Variants in AMBRA1 observed in about 807,000 individuals in gnomAD.
AMBRA1 encodes the protein autophagy and beclin 1 regulator 1.
Under a neutral mutation model 125.4 loss-of-function variants are expected in AMBRA1, and 47 were observed. That is an observed-to-expected ratio of 0.37 (90% CI 0.30 to 0.48). AMBRA1 has a LOEUF of 0.48. Among genes scored for constraint, AMBRA1 ranks in the 20% least tolerant of loss-of-function variants. The pLI is 0.99. For missense variants in AMBRA1, 1,331 were observed against 1,693.4 expected (o/e 0.79, Z 3.76); for synonymous variants, 626 against 655.5 (o/e 0.95, Z 0.69).
intron 1 of AMBRA1, among the ~76,000 whole-genome samples, chr11:46,581,342 C>G (rs2044161458): frequency 6.6e-6 from 1 of 152,004 alleles, no homozygotes; most frequent in Non-Finnish European, 1.5e-5. Context: ...GGCGCAGTGG[C>G]TCACACCTGT....
chr11:46,551,324 T>A (rs2042989670), intron 1 of AMBRA1, among the ~76,000 whole-genome samples: 1 of 152,094 alleles, frequency 6.6e-6, no homozygotes, highest in Non-Finnish European at 1.5e-5. Flanking sequence ...TATTTTTATT[T>A]TTTAAAGAAA....
chr11:46,405,161 A>G (rs933408140), intron 17 of AMBRA1, among the ~76,000 whole-genome samples: 2 of 152,052 alleles, frequency 1.3e-5, no homozygotes, highest in African/African-American at 4.8e-5. Context: ...CCACCACCCT[A>G]CTTCACCTGA....
At chr11:46,585,812 T>A (rs2044377378) in intron 1 of AMBRA1, among the ~76,000 whole-genome samples, 1 of 145,404 alleles carries the variant, frequency 6.9e-6, no homozygotes, top group Non-Finnish European at 1.5e-5. Flanking sequence ...CAATAATTTT[T>A]TTTTTCTTTT....
intron 8 of AMBRA1, among the ~76,000 whole-genome samples, chr11:46,508,951 T>C (rs1023055300): frequency 6.6e-6 from 1 of 152,212 alleles, no homozygotes; most frequent in African/African-American, 2.4e-5. Flanking sequence ...GAACCTCTTT[T>C]TCTCTCCCTT....
intron 13 of AMBRA1, 108 bp downstream of exon 13, chr11:46,434,740 AG>A: frequency 8.8e-7 from 1 of 1,137,514 alleles, no homozygotes; most frequent in Non-Finnish European, 1.2e-6. Flanking sequence ...CAGTGAAGGT[AG>A]GGGCAGTATG....
intron 11 of AMBRA1, among the ~76,000 whole-genome samples, chr11:46,464,018 C>T (rs1173938992): frequency 6.6e-6 from 1 of 152,116 alleles, no homozygotes; most frequent in Non-Finnish European, 1.5e-5. Context: ...CTAGGAAATG[C>T]CTAGTAGTCA....
At chr11:46,408,747 G>T (rs761831837) in intron 16 of AMBRA1, 41 bp from the exon 17 acceptor site, 2 of 1,481,642 alleles carry the variant, frequency 1.3e-6, no homozygotes, top group Admixed American at 4.5e-5. Flanking sequence ...TGGGGCTTGG[G>T]ACAGCACCCC....
intron 11 of AMBRA1, among the ~76,000 whole-genome samples, chr11:46,453,302 A>G (rs1948705750): frequency 6.6e-6 from 1 of 151,488 alleles, no homozygotes; most frequent in South Asian, 2.1e-4. Flanking sequence ...GTCTCATTCT[A>G]TCACCCAGGC....
intron 11 of AMBRA1, among the ~76,000 whole-genome samples, chr11:46,468,814 CAAA>C (rs11337927): frequency 3.8e-5 from 4 of 104,548 alleles, no homozygotes; most frequent in Non-Finnish European, 4.0e-5. Flanking sequence ...GGCTCCGTCT[CAAA>C]AAAAAAAAAA....
intron 7 of AMBRA1, among the ~76,000 whole-genome samples, chr11:46,538,516 C>T (rs1007761193): frequency 2.6e-5 from 4 of 151,662 alleles, no homozygotes; most frequent in Non-Finnish European, 5.9e-5. Context: ...TTTTTTTAGA[C>T]GGAGTCTTGC....
At chr11:46,417,223 T>G (rs565988544) in intron 15 of AMBRA1, among the ~76,000 whole-genome samples, 1 of 152,236 alleles carries the variant, frequency 6.6e-6, no homozygotes, top group Admixed American at 6.5e-5. Context: ...GGCTAATTTT[T>G]TGTATTTTAG....
At chr11:46,491,455 A>G (rs2136951313) in intron 11 of AMBRA1, 1 of 152,370 alleles carries the variant, frequency 6.6e-6, no homozygotes, top group Non-Finnish European at 1.5e-5. Context: ...TCCCTAGTAT[A>G]TAGCAAGTGC....
chr11:46,423,582 G>C (rs1406908308), intron 14 of AMBRA1, among the ~76,000 whole-genome samples: 1 of 151,418 alleles, frequency 6.6e-6, no homozygotes. Flanking sequence ...TAGTAGAGAC[G>C]GGGTTTCACC....
intron 1 of AMBRA1, among the ~76,000 whole-genome samples, chr11:46,559,208 G>C (rs978193784): frequency 2.0e-5 from 3 of 151,980 alleles, no homozygotes; most frequent in African/African-American, 7.3e-5. Context: ...ACTGAGGTGG[G>C]AGAATTGCTT....
At chr11:46,538,155 C>T (rs1952564568) in intron 7 of AMBRA1, among the ~76,000 whole-genome samples, 1 of 152,122 alleles carries the variant, frequency 6.6e-6, no homozygotes. Context: ...AATGGTGGTC[C>T]TTCTTTAATG....
intron 1 of AMBRA1, among the ~76,000 whole-genome samples, chr11:46,554,897 C>T (rs2043118408): frequency 3.3e-5 from 5 of 152,238 alleles, no homozygotes; most frequent in Admixed American, 3.3e-4. Flanking sequence ...TCACCAAAAG[C>T]TTATCCAAGT....
chr11:46,521,434 AGGGGATGAAGGGGCAGGAG>A (rs1359506816), intron 7 of AMBRA1, among the ~76,000 whole-genome samples: 1 of 152,246 alleles, frequency 6.6e-6, no homozygotes, highest in Non-Finnish European at 1.5e-5. Flanking sequence ...AATGTTTGCC[AGGGGATGAAGGGGCAGGAG>A]GCCAAATAAA....
intron 7 of AMBRA1, among the ~76,000 whole-genome samples, chr11:46,525,575 A>G (rs945529780): frequency 2.6e-5 from 4 of 152,132 alleles, no homozygotes; most frequent in Admixed American, 6.5e-5. Context: ...ACACGGTGAA[A>G]CCCTGTCCCT....
intron 16 of AMBRA1, among the ~76,000 whole-genome samples, chr11:46,409,434 G>A (rs188297852): frequency 2.9e-4 from 44 of 152,264 alleles, no homozygotes; most frequent in African/African-American, 9.6e-4. Flanking sequence ...TCCTGACCTC[G>A]TGATCCGCCC....
Sources: gnomAD v4.1 joint callset for allele counts (sites outside exome capture counted in the v4.1 genomes callset) on GRCh38, gnomAD v4.1.1 for gene constraint, MANE v1.5 for transcripts, NCBI Gene and HGNC (gene_info 2026-07-23, HGNC 2026-07-21) for gene names.